Variants in DGKG observed in about 807,000 individuals in gnomAD.
The protein encoded by DGKG is DAG kinase gamma.
In DGKG, 78 loss-of-function variants were observed where a neutral mutation model predicts 105.3. The observed-to-expected ratio is 0.74, with a 90% CI of 0.62 to 0.89. The LOEUF is 0.89. Ranked by LOEUF, DGKG falls within the 40% of genes least tolerant of loss-of-function variation. The pLI is 0.00. For missense variants in DGKG, 958 were observed against 1,020.1 expected (o/e 0.94, Z 0.83); for synonymous variants, 346 against 367.1 (o/e 0.94, Z 0.66).
intron 6 of DGKG, 23 bp downstream of exon 6, chr3:186,288,687 C>T: frequency 1.9e-6 from 3 of 1,612,754 alleles, no homozygotes; most frequent in South Asian, 1.1e-5. Flanking sequence ...AAGCTGAAGC[C>T]CCTTGACAGG....
At chr3:186,290,963 C>T (rs1476914655) in intron 5 of DGKG, among the ~76,000 whole-genome samples, 1 of 152,182 alleles carries the variant, frequency 6.6e-6, no homozygotes, top group Non-Finnish European at 1.5e-5. Context: ...AGGGTAGAAA[C>T]CCCCCATAAT....
At chr3:186,241,798 G>T (rs1720699355) in intron 20 of DGKG, among the ~76,000 whole-genome samples, 1 of 152,146 alleles carries the variant, frequency 6.6e-6, no homozygotes, top group African/African-American at 2.4e-5. Flanking sequence ...GGAGAAAGGG[G>T]TAGCTATACG....
At position 186,200,370 on chromosome 3, in the gene DGKG, A is replaced by C. The variant is rs568934414; in HGVS notation, c.1917+11425T>G. Among the ~76,000 whole-genome samples, 3 of 152,334 alleles carry C rather than the reference A, an allele frequency of 2.0e-5. No individual in the cohort carries two copies. In the East Asian group the frequency reaches 5.8e-4, roughly 29 times the overall value. ...TATTGTTCTAAGTGCTGTCTAGGGA[A>C]GAAGATGACAAGGAATGGGACACAC... On this transcript the variant is annotated intron_variant, in intron 21 of 24. Transcript: ENST00000265022.
At chr3:186,313,109 C>G (rs997276096) in intron 2 of DGKG, among the ~76,000 whole-genome samples, 1 of 152,216 alleles carries the variant, frequency 6.6e-6, no homozygotes, top group East Asian at 1.9e-4. Context: ...TAGTGGTTAT[C>G]AACCTTGGCT....
rs764291779 is a variant in DGKG, at chr3:186,251,833, T to C, written c.1687A>G (p.Ile563Val). ...CCGTTTTCCACTTCCTCTCTGGGGA[T>C]GACTTCCAGATGCCAGCGGTCCAGC... ...VMLDRWHLEV[I>V]PREEVENGDQ... Residue 563 changes from isoleucine (I) to valine (V), a missense_variant, in exon 19 of 25, where the codon ATC becomes GTC. Coordinates refer to ENST00000265022, the MANE Select transcript of DGKG (RefSeq NM_001346.3). 1 of 1,613,834 alleles carries C rather than the reference T, an allele frequency of 6.2e-7. No homozygotes were observed. Among genetic ancestry groups the C allele is most frequent in the Admixed American group, 1.7e-5 (1 of 59,972 alleles).
At position 186,267,783 on chromosome 3, in the gene DGKG, G is replaced by C; in HGVS notation, c.1117-6C>G. On this transcript the variant is annotated splice_region_variant and splice_polypyrimidine_tract_variant and intron_variant, in intron 12 of 24. Transcript: ENST00000265022. ...AATTCACATTTGCGGTGAAACTGGG[G>C]GGAGAAATGAAAAAGAGAGTGAGTG... 1 of 1,613,348 alleles carries C rather than the reference G, an allele frequency of 6.2e-7. No homozygotes were observed. The highest frequency in any genetic ancestry group is 1.1e-5 in the South Asian group (1 of 91,046).
At chr3:186,283,497 G>A (rs763503367) in intron 7 of DGKG, among the ~76,000 whole-genome samples, 1 of 151,998 alleles carries the variant, frequency 6.6e-6, no homozygotes, top group African/African-American at 2.4e-5. Flanking sequence ...GGCCTTCCTC[G>A]GCGACCCTCG....
rs113576385 is a variant in DGKG at position 186,217,880 on chromosome 3, A to G, written c.1827-5995T>C. Among the ~76,000 whole-genome samples, 559 of 152,368 alleles carry G rather than the reference A, an allele frequency of 3.7e-3. 5 individuals are homozygous for G. Among genetic ancestry groups the G allele is most frequent in the African/African-American group, 0.012 (517 of 41,584 alleles). On this transcript the variant is annotated intron_variant, in intron 20 of 24. Transcript: ENST00000265022. ...GGGCTTAGAAGTCTACACAGAGAAC[A>G]CTACAGTTATTTCTAGAAATAGAAG...
intron 20 of DGKG, among the ~76,000 whole-genome samples, chr3:186,212,594 T>A (rs989071514): frequency 6.6e-6 from 1 of 152,054 alleles, no homozygotes; most frequent in Non-Finnish European, 1.5e-5. Context: ...GCTTTAAAAA[T>A]TTTCAGCATT....
intron 20 of DGKG, among the ~76,000 whole-genome samples, chr3:186,216,092 C>A (rs572625680): frequency 6.6e-6 from 1 of 151,664 alleles, no homozygotes; most frequent in Non-Finnish European, 1.5e-5. Flanking sequence ...TCCGCCTCCC[C>A]GGTTCAAGCG....
At chr3:186,333,126 A>T (rs1725677311) in intron 1 of DGKG, among the ~76,000 whole-genome samples, 1 of 152,202 alleles carries the variant, frequency 6.6e-6, no homozygotes, top group Non-Finnish European at 1.5e-5. Context: ...AAAATGGACT[A>T]AGTGTTTATG....
chr3:186,286,040 G>A (rs1294012032), intron 6 of DGKG, among the ~76,000 whole-genome samples: 1 of 152,162 alleles, frequency 6.6e-6, no homozygotes, highest in African/African-American at 2.4e-5. Context: ...AGCACCCGTT[G>A]ACTGATGCGG....
At chr3:186,245,275 T>C (rs1478350398) in intron 19 of DGKG, among the ~76,000 whole-genome samples, 1 of 152,194 alleles carries the variant, frequency 6.6e-6, no homozygotes, top group Non-Finnish European at 1.5e-5. Context: ...TTTGACAATG[T>C]AATCCCTTGG....
intron 20 of DGKG, among the ~76,000 whole-genome samples, chr3:186,221,128 C>G (rs1018212201): frequency 2.0e-5 from 3 of 152,208 alleles, no homozygotes; most frequent in African/African-American, 4.8e-5. Flanking sequence ...GCCAGAGAGT[C>G]TCTCCAAAGG....
intron 17 of DGKG, among the ~76,000 whole-genome samples, chr3:186,254,744 G>A (rs1406354217): frequency 6.6e-6 from 1 of 151,862 alleles, no homozygotes; most frequent in Non-Finnish European, 1.5e-5. Flanking sequence ...GGCTCTCTCC[G>A]CCTCCAGTTC....
chr3:186,345,726 A>G (rs1008739390), intron 1 of DGKG, among the ~76,000 whole-genome samples: 2 of 152,160 alleles, frequency 1.3e-5, no homozygotes, highest in Admixed American at 6.5e-5. Context: ...TTTTGTATCA[A>G]TGCATATCTA....
chr3:186,302,370 A>G lies in DGKG; in HGVS notation c.145-4141T>C, dbSNP rs1723959130. ...GATGTCATCAACTACTATGGGATCC[A>G]TTCAGTCTATGTATAGATTGAATGG... On this transcript the variant is annotated intron_variant, in intron 3 of 24. Coordinates refer to ENST00000265022, the MANE Select transcript of DGKG (RefSeq NM_001346.3). Among the ~76,000 whole-genome samples the G allele has an allele frequency of 2.6e-5, 4 of 151,222 alleles. No homozygotes were observed. The South Asian group carries it at 8.4e-4, about 32-fold the overall frequency.
rs1038908811 is a variant in DGKG, at chr3:186,188,309, A to T, written c.1988T>A (p.Met663Lys). 6.2e-7 allele frequency: 1 copy of T among 1,614,122 alleles called. No individual in the cohort carries two copies. Among genetic ancestry groups the T allele is most frequent in the Non-Finnish European group, 8.5e-7 (1 of 1,180,042 alleles). Residue 663 changes from methionine (M) to lysine (K), a missense_variant, in exon 22 of 25, where the codon ATG becomes AAG. Coordinates refer to ENST00000265022, the MANE Select transcript of DGKG (RefSeq NM_001346.3). ...EGIAILNIPS[M>K]YGGTNLWGEN... Reference sequence around the variant, plus strand: ...TCCCCAGAGATTGGTGCCTCCGTACATGCTGGGAATGTTGAGAATGGCAAT... The same window carrying T: ...TCCCCAGAGATTGGTGCCTCCGTACTTGCTGGGAATGTTGAGAATGGCAAT...
chr3:186,304,554 G>A (rs1038338542), intron 3 of DGKG, among the ~76,000 whole-genome samples: 1 of 152,194 alleles, frequency 6.6e-6, no homozygotes, highest in Admixed American at 6.5e-5. Context: ...GAATCCTGCA[G>A]ATCAGTCACT....
Sources: gnomAD v4.1 joint callset for allele counts (sites outside exome capture counted in the v4.1 genomes callset) on GRCh38, gnomAD v4.1.1 for gene constraint, MANE v1.5 for transcripts, NCBI Gene and HGNC (gene_info 2026-07-23, HGNC 2026-07-21) for gene names.